The following PSTPIP1 variants were observed in gnomAD, a reference collection of about 807,000 sequenced individuals.
The protein encoded by PSTPIP1 is proline-serine-threonine phosphatase-interacting protein 1.
In PSTPIP1, 66 loss-of-function variants were observed where a neutral mutation model predicts 69.6. The observed-to-expected ratio is 0.95, with a 90% CI of 0.78 to 1.16. The LOEUF is 1.16. PSTPIP1 is among the 50% of genes most tolerant of loss of function. The probability of loss-of-function intolerance (pLI) is 0.00; values close to 1 mark genes in which losing one functional copy is unlikely to be tolerated. For missense variants in PSTPIP1, 603 were observed against 557.4 expected, an observed-to-expected ratio of 1.08 and a Z score of -0.82; for synonymous variants, 266 against 222.7, an observed-to-expected ratio of 1.19 and a Z score of -1.73.
At chr15:77,031,368 C>G in intron 10 of PSTPIP1, 90 bp downstream of exon 10, 1 of 1,376,058 alleles carries the variant, frequency 7.3e-7, no homozygotes. Context: ...CAACAAGCAC[C>G]TGGTCCTCTG....
chr15:77,001,178 C>A (rs2075700189), intron 1 of PSTPIP1, among the ~76,000 whole-genome samples: 1 of 152,188 alleles, frequency 6.6e-6, no homozygotes, highest in South Asian at 2.1e-4. Flanking sequence ...ACAGTGACAC[C>A]ATGGGTAGAT....
At chr15:77,030,170 C>A (rs1474769304) in intron 8 of PSTPIP1, among the ~76,000 whole-genome samples, 3 of 152,334 alleles carry the variant, frequency 2.0e-5, no homozygotes, top group Admixed American at 6.5e-5. Flanking sequence ...CCTCCTCCAG[C>A]GCCCTCTCAG....
intron 1 of PSTPIP1, among the ~76,000 whole-genome samples, chr15:76,997,268 G>A (rs1425261669): frequency 2.6e-5 from 4 of 152,250 alleles, no homozygotes; most frequent in Non-Finnish European, 5.9e-5. Context: ...AGCCTGGGGC[G>A]GGCATATAGT....
intron 1 of PSTPIP1, among the ~76,000 whole-genome samples, chr15:77,000,235 C>T (rs1309198318): frequency 6.6e-6 from 1 of 152,114 alleles, no homozygotes; most frequent in Non-Finnish European, 1.5e-5. Context: ...GGCTGGTCTG[C>T]CCCTTCCCTA....
chr15:77,037,408 A>G lies in PSTPIP1; in HGVS notation c.*232A>G. On this transcript the variant is annotated 3_prime_UTR_variant, in exon 15 of 15. Coordinates refer to ENST00000558012, the MANE Select transcript of PSTPIP1 (RefSeq NM_003978.5). ...TGCTCAGTTCAGAGGAGGCAAAGGA[A>G]CAAGGGAAGGAGCCTGGATGTGGAG... 2.2e-6 allele frequency: 1 copy of G among 461,522 alleles called. No individual in the cohort carries two copies. Among genetic ancestry groups the G allele is most frequent in the Non-Finnish European group, 3.8e-6 (1 of 264,726 alleles). The allele number at this position is 461,522 out of a possible 1,614,324, so 28.6% of individuals were successfully genotyped here. A position where few individuals can be genotyped will look rare whatever the true frequency, so the allele number is the denominator to read the frequency against.
chr15:77,005,990 A>G (rs2075807958), intron 1 of PSTPIP1, among the ~76,000 whole-genome samples: 1 of 152,136 alleles, frequency 6.6e-6, no homozygotes, highest in African/African-American at 2.4e-5. Context: ...CAATTCTTTT[A>G]GATTATACCT....
Position 76,997,884 on chromosome 15 carries a change from C to G in PSTPIP1, c.36+2275C>G, listed in dbSNP as rs374045846. Among the ~76,000 whole-genome samples, 5 of 152,332 alleles carry G rather than the reference C, an allele frequency of 3.3e-5. No individual in the cohort carries two copies. The East Asian group carries it at 5.8e-4, about 18-fold the overall frequency. ...CTTGGCCCATGTCTGGGCCTTCCCCCACCCCAGCCCAAGGCACTGTCATTA... is the reference window on the plus strand; with the variant it reads ...CTTGGCCCATGTCTGGGCCTTCCCCGACCCCAGCCCAAGGCACTGTCATTA... On this transcript the variant is annotated intron_variant, in intron 1 of 14. Transcript: ENST00000558012.
intron 1 of PSTPIP1, among the ~76,000 whole-genome samples, chr15:77,013,086 C>T (rs931938084): frequency 1.3e-5 from 2 of 152,206 alleles, no homozygotes; most frequent in African/African-American, 4.8e-5. Context: ...ACAGTGTCAG[C>T]CACACTGGCT....
At chr15:77,032,821 T>C in intron 11 of PSTPIP1, 41 bp from the exon 12 acceptor site, 3 of 1,508,856 alleles carry the variant, frequency 2.0e-6, no homozygotes, top group Non-Finnish European at 2.7e-6. Flanking sequence ...CAGAATGGGG[T>C]GTTGGGGGCC....
In PSTPIP1 at chr15:77,026,316, G is replaced by A. The variant is rs560296742; in HGVS notation, c.354+712G>A. ...GAGGATGGGGGCTGAGCCTCTCAGG[G>A]CCTTAGTGATGAGGGTGGTGCCCTG... On this transcript the variant is annotated intron_variant, in intron 5 of 14. Coordinates refer to ENST00000558012, the MANE Select transcript of PSTPIP1 (RefSeq NM_003978.5). The A allele has an allele frequency of 4.5e-4, 187 of 417,464 alleles. 3 individuals are homozygous for A. The Admixed American group carries it at 4.6e-3, about 10-fold the overall frequency. The allele number at this position is 417,464 out of a possible 1,614,324, so 25.9% of individuals were successfully genotyped here. A position where few individuals can be genotyped will look rare whatever the true frequency, so the allele number is the denominator to read the frequency against.
At chr15:77,003,505 A>G (rs2075753786) in intron 1 of PSTPIP1, among the ~76,000 whole-genome samples, 1 of 152,104 alleles carries the variant, frequency 6.6e-6, no homozygotes, top group Non-Finnish European at 1.5e-5. Context: ...ACTACAAAAA[A>G]ATTAGCGGGG....
At position 77,002,850 on chromosome 15, in the gene PSTPIP1, T is replaced by C. The variant is rs761940541; in HGVS notation, c.36+7241T>C. Among the ~76,000 whole-genome samples, 3 of 152,196 alleles carry C rather than the reference T, an allele frequency of 2.0e-5. No homozygotes were observed. The East Asian group carries it at 5.8e-4, about 29-fold the overall frequency. Reference sequence around the variant, plus strand: ...ATGCTTTTCCTGGCTGCTCCTGACATCTACACAGAACTAGGGCAGCCCCTG... The same window carrying C: ...ATGCTTTTCCTGGCTGCTCCTGACACCTACACAGAACTAGGGCAGCCCCTG... On this transcript the variant is annotated intron_variant, in intron 1 of 14. Transcript: ENST00000558012.
At chr15:77,028,474 C>A in intron 6 of PSTPIP1, 80 bp from the exon 7 acceptor site, 1 of 1,248,094 alleles carries the variant, frequency 8.0e-7, no homozygotes. Context: ...AAAAGGGAGG[C>A]TGGGCTAAGG....
At position 77,035,943 on chromosome 15, in the gene PSTPIP1, C is replaced by T. The variant is rs1367866810; in HGVS notation, c.1119+8C>T. On this transcript the variant is annotated splice_region_variant and intron_variant, in intron 14 of 14. Coordinates refer to ENST00000558012, the MANE Select transcript of PSTPIP1 (RefSeq NM_003978.5). ...TACGATTATACAGCGCAGGTGAGGC[C>T]TCTATACCCCAAACCCACCTGTGCC... 1.3e-6 allele frequency: 2 copies of T among 1,588,360 alleles called. No homozygotes were observed. Among genetic ancestry groups the T allele is most frequent in the East Asian group, 2.3e-5 (1 of 43,782 alleles).
intron 12 of PSTPIP1, among the ~76,000 whole-genome samples, chr15:77,035,306 G>A (rs1395774355): frequency 6.6e-6 from 1 of 152,170 alleles, no homozygotes; most frequent in East Asian, 1.9e-4. Flanking sequence ...TGGGGAAGGA[G>A]GAGCCACCAG....
In PSTPIP1 at chr15:77,031,084, G is replaced by C. The variant is rs1183411741; in HGVS notation, c.643-96G>C. ...GACTGGGCTTCCAGCAGAGAGGGCT[G>C]GCCTGGTCAGCTCCGGCTGAGCTGT... On this transcript the variant is annotated intron_variant, in intron 9 of 14. Transcript: ENST00000558012. 7.4e-6 allele frequency: 9 copies of C among 1,222,518 alleles called. No homozygotes were observed. The African/African-American group carries it at 1.2e-4, about 16-fold the overall frequency. The allele number at this position is 1,222,518 out of a possible 1,614,324, so 75.7% of individuals were successfully genotyped here.
chr15:77,006,146 T>A (rs955482695), intron 1 of PSTPIP1, among the ~76,000 whole-genome samples: 22 of 152,276 alleles, frequency 1.4e-4, no homozygotes, highest in African/African-American at 4.6e-4. Flanking sequence ...GTTTTTTTTT[T>A]AAATCATAGC....
intron 1 of PSTPIP1, among the ~76,000 whole-genome samples, chr15:77,008,583 T>G (rs566911498): frequency 1.3e-5 from 2 of 152,152 alleles, no homozygotes; most frequent in Non-Finnish European, 2.9e-5. Context: ...CTAATTTTTG[T>G]ATTTTTAGTA....
Position 77,018,526 on chromosome 15 carries a change from G to A in PSTPIP1, c.207G>A (p.Glu69=), listed in dbSNP as rs1015946318. 3 of 1,562,094 alleles carry A rather than the reference G, an allele frequency of 1.9e-6. No individual in the cohort carries two copies. The highest frequency in any genetic ancestry group is 2.7e-5 in the African/African-American group (2 of 73,736). The part of the protein sequence containing the change: ...QIARKAGGQT[E]INSLRASFDS... ...CACGGAAGGCAGGTGGCCAGACGGA[G>A]ATCAAGTAAGATCTCCCGGGCCCTG... is the stretch of plus-strand genomic sequence containing the variant. The change falls in exon 3 of 15, where the codon GAG becomes GAA. Residue 69 remains glutamate, a synonymous_variant. Coordinates refer to ENST00000558012, the MANE Select transcript of PSTPIP1 (RefSeq NM_003978.5).
Sources: gnomAD v4.1 joint callset for allele counts (sites outside exome capture counted in the v4.1 genomes callset) on GRCh38, gnomAD v4.1.1 for gene constraint, MANE v1.5 for transcripts, NCBI Gene and HGNC (gene_info 2026-07-23, HGNC 2026-07-21) for gene names.